C10orf90: variants seen among roughly 807,000 people sequenced by gnomAD.
C10orf90 encodes the protein chromosome 10 open reading frame 90.
In C10orf90, 56 loss-of-function variants were observed where a neutral mutation model predicts 62.5. The ratio of observed to expected loss-of-function variants is 0.90; its 90% confidence interval spans 0.72 to 1.12. C10orf90 has a LOEUF of 1.12. C10orf90 is among the 50% of genes most tolerant of loss of function. The probability of loss-of-function intolerance (pLI) is 0.00; values close to 1 mark genes in which losing one functional copy is unlikely to be tolerated. For missense variants in C10orf90, 970 were observed against 880.4 expected, an observed-to-expected ratio of 1.10 and a Z score of -1.29; for synonymous variants, 386 against 340.4, an observed-to-expected ratio of 1.13 and a Z score of -1.47.
At chr10:126,655,887 A>G (rs1382435809) in intron 1 of C10orf90, among the ~76,000 whole-genome samples, 1 of 151,334 alleles carries the variant, frequency 6.6e-6, no homozygotes, top group Non-Finnish European at 1.5e-5. Flanking sequence ...TCCCTGGCTC[A>G]CCTGTTTCCA....
In C10orf90 at chr10:126,551,922, C is replaced by T. The variant is rs1864642815; in HGVS notation, c.314-37983G>A. On this transcript the variant is annotated intron_variant, in intron 2 of 9. Transcript: ENST00000488181. ...ATTTGCTAGAACAAGATAGGACCCA[C>T]TGCCTTTCCAGGGCATTTCAAGTTA... Among the ~76,000 whole-genome samples the T allele has an allele frequency of 2.0e-5, 3 of 152,210 alleles. No individual in the cohort carries two copies. In the South Asian group the frequency reaches 6.2e-4, roughly 31 times the overall value.
intron 2 of C10orf90, among the ~76,000 whole-genome samples, chr10:126,623,019 G>A (rs1845676250): frequency 6.6e-6 from 1 of 152,174 alleles, no homozygotes; most frequent in Admixed American, 6.5e-5. Context: ...ATCCTCCATG[G>A]GAGATGTAGA....
chr10:126,476,142 G>A (rs2133785100), intron 4 of C10orf90, among the ~76,000 whole-genome samples: 1 of 152,290 alleles, frequency 6.6e-6, no homozygotes, highest in Non-Finnish European at 1.5e-5. Flanking sequence ...GTCAGGAAAG[G>A]AAGTGAATTC....
intron 2 of C10orf90, among the ~76,000 whole-genome samples, chr10:126,531,960 G>A (rs999927731): frequency 3.3e-5 from 5 of 152,114 alleles, no homozygotes; most frequent in African/African-American, 1.2e-4. Flanking sequence ...AATATAAAAT[G>A]GAGTTACCGA....
At chr10:126,459,473 A>G (rs1037017666) in intron 6 of C10orf90, among the ~76,000 whole-genome samples, 10 of 152,250 alleles carry the variant, frequency 6.6e-5, no homozygotes, top group African/African-American at 2.4e-4. Flanking sequence ...GGCAACTGGC[A>G]TCAAAGCTGG....
At chr10:126,557,372 T>C (rs1037874723) in intron 2 of C10orf90, among the ~76,000 whole-genome samples, 1 of 150,368 alleles carries the variant, frequency 6.7e-6, no homozygotes, top group Non-Finnish European at 1.5e-5. Flanking sequence ...CCCAGCTACT[T>C]GGGAGGCTGA....
chr10:126,426,011 G>C lies in C10orf90; in HGVS notation c.2332C>G (p.Arg778Gly), dbSNP rs1333506506. The change falls in exon 9 of 10, where the codon CGT becomes GGT. Residue 778 changes from arginine to glycine, a missense_variant. By Grantham distance (125) the Arg-to-Gly change is moderately radical (BLOSUM62 -2). Transcript: ENST00000488181. ...KRVILQSNRL[R>G]AEVFKKQLLD... The stretch of plus-strand genomic sequence containing the variant: ...ATTACCTTTTTGAAGACTTCGGCAC[G>C]GAGTCTGTTACTTTGTAAGATCACC... 2 of 1,614,186 alleles carry C rather than the reference G, an allele frequency of 1.2e-6. No homozygotes were observed. Among genetic ancestry groups the C allele is most frequent in the East Asian group, 4.5e-5 (2 of 44,874 alleles).
At chr10:126,613,180 G>A (rs1845473919) in intron 2 of C10orf90, among the ~76,000 whole-genome samples, 1 of 152,122 alleles carries the variant, frequency 6.6e-6, no homozygotes, top group Non-Finnish European at 1.5e-5. Context: ...AAGTTAAATG[G>A]TATTCAAAGA....
chr10:126,440,894 C>G (rs191392332), intron 7 of C10orf90, among the ~76,000 whole-genome samples: 302 of 152,264 alleles, frequency 2.0e-3, no homozygotes, highest in African/African-American at 7.1e-3. Context: ...TGAACAACAG[C>G]CTTCAGCCCT....
intron 2 of C10orf90, among the ~76,000 whole-genome samples, chr10:126,632,043 C>T (rs1346356777): frequency 6.6e-6 from 1 of 152,074 alleles, no homozygotes; most frequent in Non-Finnish European, 1.5e-5. Flanking sequence ...ACTGGCGAAA[C>T]TCATAATGGA....
At chr10:126,488,773 G>T (rs1348878708) in intron 4 of C10orf90, among the ~76,000 whole-genome samples, 3 of 152,068 alleles carry the variant, frequency 2.0e-5, no homozygotes, top group Admixed American at 6.6e-5. Flanking sequence ...AGACACAGAA[G>T]ATTGCCAAAA....
At chr10:126,582,924 A>G (rs953870222) in intron 2 of C10orf90, among the ~76,000 whole-genome samples, 4 of 152,316 alleles carry the variant, frequency 2.6e-5, no homozygotes, top group Admixed American at 6.5e-5. Flanking sequence ...GTTCCTGCAA[A>G]TTGTTCAAAG....
intron 2 of C10orf90, among the ~76,000 whole-genome samples, chr10:126,593,672 C>G (rs1845025871): frequency 6.6e-6 from 1 of 152,010 alleles, no homozygotes; most frequent in Admixed American, 6.5e-5. Flanking sequence ...AACAAACCTG[C>G]ACATGTGCCC....
At position 126,461,575 on chromosome 10, in the gene C10orf90, T is replaced by C. The variant is rs746482263; in HGVS notation, c.1836A>G (p.Thr612=). The change falls in exon 6 of 10, where the codon ACA becomes ACG. Residue 612 remains threonine, a synonymous_variant. Coordinates refer to ENST00000488181, the MANE Select transcript of C10orf90 (RefSeq NM_001350921.2). Reference sequence around the variant, plus strand: ...TTATTTTTACAACCAAGTCACAGCATGTGTAATCTCCTAGGAGAGAAGATT... The same window carrying C: ...TTATTTTTACAACCAAGTCACAGCACGTGTAATCTCCTAGGAGAGAAGATT... ...IESKFPKGDY[T]CCDLVVKIKE... 9.3e-6 allele frequency: 15 copies of C among 1,613,582 alleles called. No homozygotes were observed. The highest frequency in any genetic ancestry group is 3.3e-5 in the Admixed American group (2 of 59,920).
At chr10:126,530,899 C>T (rs1015603481) in intron 2 of C10orf90, among the ~76,000 whole-genome samples, 8 of 152,022 alleles carry the variant, frequency 5.3e-5, no homozygotes, top group African/African-American at 7.2e-5. Context: ...TCAGGCCAGG[C>T]GCGGTGGCTC....
At position 126,484,705 on chromosome 10, in the gene C10orf90, T is replaced by C. The variant is rs574809685; in HGVS notation, c.1534+19252A>G. 3.3e-5 allele frequency among the ~76,000 whole-genome samples: 5 copies of C among 152,216 alleles called. No individual in the cohort carries two copies. In the East Asian group the frequency reaches 9.7e-4, roughly 29 times the overall value. On this transcript the variant is annotated intron_variant, in intron 4 of 9. Coordinates refer to ENST00000488181, the MANE Select transcript of C10orf90 (RefSeq NM_001350921.2). ...ATGTTCATATCATTTACCTAACAAT[T>C]CCTCTTCCAGGAATATAGCTTAAGA...
At chr10:126,621,072 T>C (rs1845634905) in intron 2 of C10orf90, among the ~76,000 whole-genome samples, 1 of 152,230 alleles carries the variant, frequency 6.6e-6, no homozygotes, top group Non-Finnish European at 1.5e-5. Flanking sequence ...TTTTCCCTGC[T>C]ATTAAACTTT....
intron 7 of C10orf90, among the ~76,000 whole-genome samples, chr10:126,432,951 T>G (rs1017480118): frequency 6.6e-6 from 1 of 152,186 alleles, no homozygotes; most frequent in African/African-American, 2.4e-5. Flanking sequence ...GTTTTAAACA[T>G]GAGATCTGAT....
intron 4 of C10orf90, among the ~76,000 whole-genome samples, chr10:126,490,644 T>C (rs1861716874): frequency 6.6e-6 from 1 of 152,068 alleles, no homozygotes; most frequent in Non-Finnish European, 1.5e-5. Flanking sequence ...TATGTGTATT[T>C]TATCAAAATT....
Sources: allele counts gnomAD v4.1 joint callset (sites outside exome capture counted in the v4.1 genomes callset), GRCh38; gene constraint gnomAD v4.1.1; transcripts MANE v1.5; gene names NCBI Gene and HGNC (gene_info 2026-07-23, HGNC 2026-07-21).